Variants in LCMT1 observed in about 807,000 individuals in gnomAD.
LCMT1 encodes [Phosphatase 2A protein]-leucine-carboxy methyltransferase 1.
In LCMT1, 32 loss-of-function variants were observed where a neutral mutation model predicts 47.7. The ratio of observed to expected loss-of-function variants is 0.67; its 90% confidence interval spans 0.51 to 0.90. LCMT1 has a LOEUF of 0.90. Ranked by LOEUF, LCMT1 falls within the 40% of genes least tolerant of loss-of-function variation. LCMT1 has a pLI of 0.00. For missense variants in LCMT1, 375 were observed against 415.2 expected (o/e 0.90, Z 0.84); for synonymous variants, 152 against 149.7 (o/e 1.02, Z -0.11).
intron 3 of LCMT1, 177 bp from the exon 4 acceptor site, chr16:25,139,994 G>C (rs1597578620): frequency 3.4e-6 from 2 of 587,978 alleles, no homozygotes; most frequent in East Asian, 2.8e-5. Flanking sequence ...CTTCATCTGT[G>C]CTTGCTTCCC....
chr16:25,152,358 A>G (rs1486320838), intron 5 of LCMT1, among the ~76,000 whole-genome samples: 1 of 152,138 alleles, frequency 6.6e-6, no homozygotes, highest in Non-Finnish European at 1.5e-5. Context: ...CGTGGCCAAG[A>G]ACTCAGTTTT....
intron 10 of LCMT1, 36 bp downstream of exon 10, chr16:25,175,070 A>G (rs993311780): frequency 8.7e-7 from 1 of 1,151,346 alleles, no homozygotes; most frequent in Non-Finnish European, 1.3e-6. Context: ...TGACCTGGAA[A>G]TAGTGAACTT....
At chr16:25,148,450 G>A (rs1030912616) in intron 4 of LCMT1, among the ~76,000 whole-genome samples, 1 of 152,188 alleles carries the variant, frequency 6.6e-6, no homozygotes, top group African/African-American at 2.4e-5. Context: ...GTGTGGCAAA[G>A]GGAGGGAAAG....
At chr16:25,166,790 T>C (rs530732390) in intron 7 of LCMT1, among the ~76,000 whole-genome samples, 1 of 151,898 alleles carries the variant, frequency 6.6e-6, no homozygotes, top group South Asian at 2.1e-4. Flanking sequence ...TGGTTCTCGA[T>C]TGGTTGATTT....
rs556852473 is a variant in LCMT1 at position 25,168,322 on chromosome 16, TAC to T, written c.691-788_691-787del. Among the ~76,000 whole-genome samples, 52 of 152,338 alleles carry T rather than the reference TAC, an allele frequency of 3.4e-4. No homozygotes were observed. In the South Asian group the frequency reaches 0.011, roughly 32 times the overall value. On this transcript the variant is annotated intron_variant, in intron 7 of 10. Coordinates refer to ENST00000399069, the MANE Select transcript of LCMT1 (RefSeq NM_016309.3). ...CCTCAGCCTCCCAAAGTGCTGAGAT[TAC>T]AGACATGGCCACCATGCCTGGCCTA...
intron 4 of LCMT1, chr16:25,140,827 A>G (rs1960664189): frequency 1.3e-5 from 2 of 152,564 alleles, no homozygotes; most frequent in South Asian, 2.1e-4. Flanking sequence ...CCTTGGTTTC[A>G]TAGTTAGATT....
chr16:25,124,286 A>C (rs1960090288), intron 1 of LCMT1, among the ~76,000 whole-genome samples: 1 of 152,242 alleles, frequency 6.6e-6, no homozygotes, highest in Non-Finnish European at 1.5e-5. Flanking sequence ...ACTTACGTGT[A>C]CATGTATACA....
intron 9 of LCMT1, among the ~76,000 whole-genome samples, chr16:25,172,594 G>A (rs1285406288): frequency 1.3e-5 from 2 of 152,180 alleles, no homozygotes; most frequent in Admixed American, 6.5e-5. Flanking sequence ...AAGATCAATA[G>A]CCTTTGGTCT....
chr16:25,162,599 AAAAAG>A (rs572596987), intron 6 of LCMT1, among the ~76,000 whole-genome samples: 1,809 of 151,302 alleles, frequency 0.012, 31 homozygotes, highest in African/African-American at 0.034. Context: ...AAAAAAAAAA[AAAAAG>A]AAAAGAAAAG....
intron 7 of LCMT1, among the ~76,000 whole-genome samples, chr16:25,168,679 A>C (rs745388840): frequency 6.6e-6 from 1 of 152,152 alleles, no homozygotes; most frequent in Non-Finnish European, 1.5e-5. Context: ...ACTTTTCAAG[A>C]GTTTACCCTA....
intron 4 of LCMT1, chr16:25,146,520 C>T (rs1472423092): frequency 2.6e-5 from 4 of 152,358 alleles, no homozygotes; most frequent in Non-Finnish European, 5.9e-5. Context: ...ATCCTAGGGT[C>T]ACCCTGAGAT....
At chr16:25,162,170 T>C (rs969109763) in intron 6 of LCMT1, among the ~76,000 whole-genome samples, 1 of 152,214 alleles carries the variant, frequency 6.6e-6, no homozygotes, top group East Asian at 1.9e-4. Context: ...AGGATGTTCA[T>C]TGTAGTTCAT....
intron 5 of LCMT1, chr16:25,160,672 A>G: frequency 4.2e-6 from 2 of 473,326 alleles, no homozygotes; most frequent in East Asian, 1.2e-4. Flanking sequence ...TCTCATAGTG[A>G]GGGATTGGCT....
intron 4 of LCMT1, chr16:25,147,137 A>G (rs1960884374): frequency 6.6e-6 from 1 of 152,256 alleles, no homozygotes; most frequent in Non-Finnish European, 1.5e-5. Context: ...GATTTAGTTT[A>G]ACAAATTCAT....
intron 1 of LCMT1, among the ~76,000 whole-genome samples, chr16:25,114,277 G>C (rs568372070): frequency 1.1e-4 from 16 of 152,308 alleles, no homozygotes; most frequent in African/African-American, 3.4e-4. Context: ...ATCTGTCTCA[G>C]AGGATTGCTG....
At chr16:25,169,029 C>A in intron 7 of LCMT1, 83 bp from the exon 8 acceptor site, 1 of 1,040,124 alleles carries the variant, frequency 9.6e-7, no homozygotes, top group Non-Finnish European at 1.5e-6. Context: ...GCCTCGGCTG[C>A]TTAAAAATAG....
At position 25,151,557 on chromosome 16, in the gene LCMT1, C is replaced by T; in HGVS notation, c.408C>T (p.Cys136=). The T allele has an allele frequency of 6.2e-7, 1 of 1,612,616 alleles. No homozygotes were observed. The highest frequency in any genetic ancestry group is 8.5e-7 in the Non-Finnish European group (1 of 1,178,922). Residue 136 remains cysteine, a synonymous_variant, in exon 5 of 11, where the codon TGC becomes TGT. Transcript: ENST00000399069. ...IVTRKLHSIK[C]KPPLSSPILE... ...CCTCTTTCCCATCTTCCCATAGATG[C>T]AAGCCTCCCCTATCCAGCCCCATTC... is the stretch of plus-strand genomic sequence containing the variant.
intron 9 of LCMT1, 97 bp from the exon 10 acceptor site, chr16:25,174,840 A>T (rs148946255): frequency 8.8e-5 from 44 of 499,750 alleles, no homozygotes; most frequent in African/African-American, 8.4e-4. Flanking sequence ...TTTCCACTTA[A>T]TCTATCATAA....
chr16:25,155,014 GT>G (rs547663967), intron 5 of LCMT1, among the ~76,000 whole-genome samples: 74 of 152,246 alleles, frequency 4.9e-4, no homozygotes, highest in Admixed American at 6.5e-4. Context: ...AAAAATATTT[GT>G]TTAAAAATGA....
Sources: allele counts gnomAD v4.1 joint callset (sites outside exome capture counted in the v4.1 genomes callset), GRCh38; gene constraint gnomAD v4.1.1; transcripts MANE v1.5; gene names NCBI Gene and HGNC (gene_info 2026-07-23, HGNC 2026-07-21).